ECHDC3: variants seen among roughly 807,000 people sequenced by gnomAD.
ECHDC3 encodes enoyl-CoA hydratase domain-containing protein 3, mitochondrial.
In ECHDC3, 20 loss-of-function variants were observed where a neutral mutation model predicts 17.9. The ratio of observed to expected loss-of-function variants is 1.12; its 90% CI spans 0.79 to 1.63. ECHDC3 has a LOEUF of 1.63. ECHDC3 is among the 40% of genes most tolerant of loss of function. The probability of loss-of-function intolerance (pLI) is 0.00; values close to 1 mark genes in which losing one functional copy is unlikely to be tolerated. For synonymous variants in ECHDC3, 177 were observed against 149.7 expected (o/e 1.18, Z -1.33); for missense variants, 407 against 357.7 (o/e 1.14, Z -1.11).
At position 11,749,343 on chromosome 10, in the gene ECHDC3, A is replaced by G; in HGVS notation, c.293-152A>G. 3 of 690,398 alleles carry G rather than the reference A, an allele frequency of 4.3e-6. No individual in the cohort carries two copies. In the South Asian group the frequency reaches 6.7e-5, roughly 15 times the overall value. The allele number at this position is 690,398 out of a possible 1,614,324, so 42.8% of individuals were successfully genotyped here. On this transcript the variant is annotated intron_variant, in intron 2 of 4. Transcript: ENST00000379215. ...AAATTCTGGCTGGAACTTTTCAAGCAAACTGGAATTATTCTTCTCAAAATT... is the reference window on the plus strand; with the variant it reads ...AAATTCTGGCTGGAACTTTTCAAGCGAACTGGAATTATTCTTCTCAAAATT...
intron 1 of ECHDC3, among the ~76,000 whole-genome samples, chr10:11,745,858 T>C (rs199910546): frequency 5.4e-4 from 83 of 152,326 alleles, no homozygotes; most frequent in East Asian, 2.7e-3. Context: ...ACAGGTTATT[T>C]TATTCAGCAT....
At chr10:11,743,521 T>C (rs1428661740) in intron 1 of ECHDC3, among the ~76,000 whole-genome samples, 1 of 152,216 alleles carries the variant, frequency 6.6e-6, no homozygotes, top group Non-Finnish European at 1.5e-5. Flanking sequence ...TTCCTACCTT[T>C]GCACCCGTCC....
chr10:11,755,749 G>C, intron 4 of ECHDC3, 141 bp downstream of exon 4: 1 of 771,500 alleles, frequency 1.3e-6, no homozygotes, highest in Non-Finnish European at 2.0e-6. Flanking sequence ...CTGGCTAGAT[G>C]GGCCAGGATG....
At chr10:11,754,409 A>C (rs1005727566) in intron 3 of ECHDC3, among the ~76,000 whole-genome samples, 1 of 152,112 alleles carries the variant, frequency 6.6e-6, no homozygotes, top group Admixed American at 6.5e-5. Flanking sequence ...AAATAAGTTA[A>C]AGTTCTGGAA....
intron 4 of ECHDC3, among the ~76,000 whole-genome samples, chr10:11,758,095 C>G (rs150724019): frequency 1.3e-5 from 2 of 152,172 alleles, no homozygotes; most frequent in Non-Finnish European, 2.9e-5. Context: ...GTATGGGTCA[C>G]TAGTGCCCTC....
chr10:11,757,244 A>G (rs1012551452), intron 4 of ECHDC3, among the ~76,000 whole-genome samples: 27 of 152,212 alleles, frequency 1.8e-4, no homozygotes, highest in African/African-American at 6.3e-4. Context: ...AGTCAGCCCT[A>G]CTGTCTGGAT....
intron 3 of ECHDC3, 59 bp from the exon 4 acceptor site, chr10:11,755,349 A>T: frequency 8.8e-5 from 97 of 1,098,456 alleles, no homozygotes; most frequent in Non-Finnish European, 1.2e-4. Context: ...AAAAAGCAAT[A>T]GGCGTTAATG....
chr10:11,753,551 TGGG>T (rs987405968), intron 3 of ECHDC3, among the ~76,000 whole-genome samples: 97 of 152,292 alleles, frequency 6.4e-4, no homozygotes, highest in African/African-American at 2.2e-3. Context: ...TTCAGTTCCT[TGGG>T]TGGTGCAACA....
At chr10:11,757,058 C>T (rs1470130696) in intron 4 of ECHDC3, among the ~76,000 whole-genome samples, 1 of 152,182 alleles carries the variant, frequency 6.6e-6, no homozygotes, top group Non-Finnish European at 1.5e-5. Context: ...TTTCTTAAGA[C>T]TCTACTTTGT....
At chr10:11,745,528 A>G (rs932178965) in intron 1 of ECHDC3, among the ~76,000 whole-genome samples, 1 of 152,248 alleles carries the variant, frequency 6.6e-6, no homozygotes, top group Non-Finnish European at 1.5e-5. Context: ...CAAGATGAAT[A>G]GCACAGCCAC....
At chr10:11,760,019 C>T (rs1832930033) in intron 4 of ECHDC3, among the ~76,000 whole-genome samples, 1 of 152,174 alleles carries the variant, frequency 6.6e-6, no homozygotes, top group South Asian at 2.1e-4. Flanking sequence ...CAGCCAGGTC[C>T]CTTGAGCTCA....
intron 4 of ECHDC3, among the ~76,000 whole-genome samples, chr10:11,759,387 G>A (rs943137029): frequency 5.3e-5 from 7 of 132,652 alleles, no homozygotes; most frequent in African/African-American, 1.5e-4. Flanking sequence ...AAAAAAACAC[G>A]CAGTCCCAGA....
rs1409978644 is a variant in ECHDC3 at position 11,745,819 on chromosome 10, T to C, written c.171-1530T>C. ...TCTTGTAACAGCCAAAAATAAGACA[T>C]TTCTGTGTATAAGCAGCAAGATGAC... On this transcript the variant is annotated intron_variant, in intron 1 of 4. Coordinates refer to ENST00000379215, the MANE Select transcript of ECHDC3 (RefSeq NM_024693.5). 3.3e-5 allele frequency among the ~76,000 whole-genome samples: 5 copies of C among 152,178 alleles called. No homozygotes were observed. In the East Asian group the frequency reaches 7.7e-4, roughly 23 times the overall value.
intron 2 of ECHDC3, among the ~76,000 whole-genome samples, chr10:11,748,686 G>C (rs1309965041): frequency 1.3e-5 from 2 of 151,706 alleles, no homozygotes; most frequent in Non-Finnish European, 2.9e-5. Context: ...AAGAGTTCGA[G>C]ACCAGCCTGG....
chr10:11,743,744 G>T (rs919171256), intron 1 of ECHDC3, among the ~76,000 whole-genome samples: 4 of 152,240 alleles, frequency 2.6e-5, no homozygotes, highest in African/African-American at 9.6e-5. Context: ...AGGAGCACAG[G>T]CCAGAGCAGG....
At chr10:11,757,486 C>CTGAG (rs1564284849) in intron 4 of ECHDC3, among the ~76,000 whole-genome samples, 1 of 152,148 alleles carries the variant, frequency 6.6e-6, no homozygotes, top group Admixed American at 6.5e-5. Flanking sequence ...TTTTACCTCC[C>CTGAG]AAGGACAGAG....
chr10:11,747,409 T>G lies in ECHDC3; in HGVS notation c.231T>G (p.Ser77=). Residue 77 remains serine (S), a synonymous_variant, in exon 2 of 5, where the codon TCT becomes TCG. Transcript: ENST00000379215. ...RNALSLAMLK[S]LQSDILHDAD... ...CGTTGTCACTTGCAATGCTGAAGTC[T>G]CTCCAAAGTGACATTCTTCATGACG... 6.2e-7 allele frequency: 1 copy of G among 1,614,006 alleles called. No homozygotes were observed. The highest frequency in any genetic ancestry group is 8.5e-7 in the Non-Finnish European group (1 of 1,179,958).
At chr10:11,759,238 C>T (rs1191223524) in intron 4 of ECHDC3, among the ~76,000 whole-genome samples, 1 of 152,052 alleles carries the variant, frequency 6.6e-6, no homozygotes, top group Non-Finnish European at 1.5e-5. Flanking sequence ...CCTGTAATCC[C>T]AGCTACTCGG....
rs768172158 is a variant in ECHDC3 at position 11,749,529 on chromosome 10, A to G, written c.327A>G (p.Leu109=). 14 of 1,614,136 alleles carry G rather than the reference A, an allele frequency of 8.7e-6. No homozygotes were observed. Among genetic ancestry groups the G allele is most frequent in the Non-Finnish European group, 1.2e-5 (14 of 1,180,030 alleles). The change falls in exon 3 of 5, where the codon TTA becomes TTG. Residue 109 remains leucine (L), a synonymous_variant. Transcript: ENST00000379215. ...CTGTGTTTTCTTCTGGGCATGACTT[A>G]AAGGAGCTGACAGAGGAGCAAGGCC... ...EGPVFSSGHD[L]KELTEEQGRD...
Sources: gnomAD v4.1 joint callset for allele counts (sites outside exome capture counted in the v4.1 genomes callset) on GRCh38, gnomAD v4.1.1 for gene constraint, MANE v1.5 for transcripts, NCBI Gene and HGNC (gene_info 2026-07-23, HGNC 2026-07-21) for gene names.